Variants in VCL observed in about 807,000 individuals in gnomAD.
VCL encodes epididymis luminal protein 114.
Under a neutral mutation model 125.7 loss-of-function variants are expected in VCL, and 47 were observed. The ratio of observed to expected loss-of-function variants is 0.37; its 90% CI spans 0.30 to 0.48. VCL has a LOEUF of 0.48. Among genes scored for constraint, VCL ranks in the 20% least tolerant of loss-of-function variants. The pLI, the probability that VCL is intolerant of heterozygous loss-of-function variation, is 0.99. For missense variants in VCL, 1,069 were observed against 1,455.5 expected (o/e 0.73, Z 4.32); for synonymous variants, 458 against 514.6 (o/e 0.89, Z 1.49).
intron 21 of VCL, among the ~76,000 whole-genome samples, chr10:74,117,539 C>T (rs1335481814): frequency 6.6e-6 from 1 of 152,146 alleles, no homozygotes; most frequent in Non-Finnish European, 1.5e-5. Flanking sequence ...CCTATTGTCC[C>T]AGCTGCTCAA....
chr10:74,101,177 T>C lies in VCL; in HGVS notation c.2022+80T>C, dbSNP rs1840048427. ...ACAGTTTCTATACATTTTTGAATAC[T>C]TACCGTAAGATGGCATAAAAAAACA... On this transcript the variant is annotated intron_variant, in intron 14 of 21. Coordinates refer to ENST00000211998, the MANE Select transcript of VCL (RefSeq NM_014000.3). 3 of 1,544,796 alleles carry C rather than the reference T, an allele frequency of 1.9e-6. No individual in the cohort carries two copies. The East Asian group carries it at 7.2e-5, about 37-fold the overall frequency.
At chr10:74,002,985 GAT>G (rs146426921) in intron 1 of VCL, among the ~76,000 whole-genome samples, 4 of 149,980 alleles carry the variant, frequency 2.7e-5, no homozygotes. Flanking sequence ...TCTGGTCACT[GAT>G]ATATATATAT....
At chr10:73,999,683 C>T (rs1840190901) in intron 1 of VCL, among the ~76,000 whole-genome samples, 1 of 152,136 alleles carries the variant, frequency 6.6e-6, no homozygotes. Flanking sequence ...CCTCAGTCTT[C>T]AGGGGTCCCT....
chr10:73,999,678 G>A (rs1840190764), intron 1 of VCL, among the ~76,000 whole-genome samples: 1 of 152,164 alleles, frequency 6.6e-6, no homozygotes, highest in African/African-American at 2.4e-5. Context: ...GTCTTCCTCA[G>A]TCTTCAGGGG....
intron 2 of VCL, among the ~76,000 whole-genome samples, chr10:74,068,458 G>A (rs947986580): frequency 4.6e-5 from 7 of 152,070 alleles, no homozygotes; most frequent in Non-Finnish European, 7.4e-5. Flanking sequence ...CCCAGTAGCT[G>A]GGATTACAGG....
At chr10:74,089,135 G>A in intron 8 of VCL, 61 bp from the exon 9 acceptor site, 1 of 1,609,048 alleles carries the variant, frequency 6.2e-7, no homozygotes. Context: ...GTGCTATTGG[G>A]AATATTTTGT....
In VCL at chr10:74,097,322, A is replaced by G; in HGVS notation, c.1862A>G (p.Asn621Ser). 1 of 1,613,496 alleles carries G rather than the reference A, an allele frequency of 6.2e-7. No individual in the cohort carries two copies. Among genetic ancestry groups the G allele is most frequent in the Non-Finnish European group, 8.5e-7 (1 of 1,179,820 alleles). ...VAATAPPDAP[N>S]REEVFDERAA... ...GCCACGGCGCCTCCTGATGCGCCTA[A>G]CAGGGAAGAGGTGGGTATCTGAGGT... The change falls in exon 13 of 22, where the codon AAC (asparagine) becomes AGC (serine). Residue 621 changes from asparagine to serine, a missense_variant. By Grantham distance (46) the Asn-to-Ser change is conservative. This residue lies in a region of VCL where 760 missense variants were observed against 928.9 expected (regional missense o/e 0.82). Transcript: ENST00000211998. The surrounding 1 kb of genome is among the most constrained non-coding windows in gnomAD (Gnocchi z 4.1).
chr10:74,099,084 C>A (rs923050782), intron 13 of VCL, among the ~76,000 whole-genome samples: 1 of 152,214 alleles, frequency 6.6e-6, no homozygotes, highest in Non-Finnish European at 1.5e-5. Flanking sequence ...GCTATGACTG[C>A]ATAGCTCTAA....
intron 11 of VCL, among the ~76,000 whole-genome samples, chr10:74,094,838 G>A (rs1839940328): frequency 6.6e-6 from 1 of 152,184 alleles, no homozygotes; most frequent in Non-Finnish European, 1.5e-5. Flanking sequence ...GGAGGCTGAG[G>A]TGGGAGGATC....
At chr10:74,068,445 C>T (rs1841609563) in intron 2 of VCL, among the ~76,000 whole-genome samples, 2 of 152,100 alleles carry the variant, frequency 1.3e-5, no homozygotes, top group Non-Finnish European at 2.9e-5. Flanking sequence ...CTGCCTCAGC[C>T]TCCCCAGTAG....
chr10:74,007,458 C>T (rs1265104297), intron 1 of VCL, among the ~76,000 whole-genome samples: 1 of 152,150 alleles, frequency 6.6e-6, no homozygotes, highest in Non-Finnish European at 1.5e-5. Context: ...GTAGGTTCCT[C>T]AGTGGCAGGG....
rs1466583249 is a variant in VCL, at chr10:74,003,435, CT to C, written c.168+5067del. 3.3e-5 allele frequency among the ~76,000 whole-genome samples: 5 copies of C among 152,200 alleles called. No homozygotes were observed. The South Asian group carries it at 8.3e-4, about 25-fold the overall frequency. On this transcript the variant is annotated intron_variant, in intron 1 of 21. Coordinates refer to ENST00000211998, the MANE Select transcript of VCL (RefSeq NM_014000.3). The stretch of plus-strand genomic sequence containing the variant: ...TTTGTAGCATGGTATATAAATTTTT[CT>C]TTTTTTCATTAAAATGGCCCATAGA...
chr10:74,006,982 T>G lies in VCL; in HGVS notation c.168+8607T>G, dbSNP rs569541077. ...TTTTATTTTTATTTATTTATTTATTTTGAGACAGGATCTTGCTCTGCTGCT... is the reference window on the plus strand; with the variant it reads ...TTTTATTTTTATTTATTTATTTATTGTGAGACAGGATCTTGCTCTGCTGCT... On this transcript the variant is annotated intron_variant, in intron 1 of 21. Transcript: ENST00000211998. Among the ~76,000 whole-genome samples the G allele has an allele frequency of 1.2e-4, 18 of 152,304 alleles. No homozygotes were observed. The East Asian group carries it at 3.5e-3, about 29-fold the overall frequency.
rs1231987485 is a variant in VCL at position 74,120,115 on chromosome 10, CTTCT to C, written c.*1949_*1952del. 1 of 151,900 alleles carries C rather than the reference CTTCT, an allele frequency of 6.6e-6. No individual in the cohort carries two copies. Among genetic ancestry groups the C allele is most frequent in the Non-Finnish European group, 1.5e-5 (1 of 67,992 alleles). 9.4% of individuals were successfully genotyped at this position (151,900 alleles called of 1,614,324 possible). On this transcript the variant is annotated 3_prime_UTR_variant, in exon 22 of 22. Coordinates refer to ENST00000211998, the MANE Select transcript of VCL (RefSeq NM_014000.3). ...TGTTATATGCAAATATTTTCTGCCTCTTCTTTTGTTCTGTTTAAAACAATAAAAT... is the reference window on the plus strand; with the variant it reads ...TGTTATATGCAAATATTTTCTGCCTCTTTGTTCTGTTTAAAACAATAAAAT...
intron 1 of VCL, among the ~76,000 whole-genome samples, chr10:74,041,362 T>TA (rs1841091173): frequency 6.6e-6 from 1 of 152,190 alleles, no homozygotes; most frequent in Non-Finnish European, 1.5e-5. Context: ...AGTTTACTCT[T>TA]ATATTTTATA....
At position 74,038,185 on chromosome 10, in the gene VCL, C is replaced by T. The variant is rs185372942; in HGVS notation, c.169-4898C>T. Among the ~76,000 whole-genome samples, 524 of 151,998 alleles carry T rather than the reference C, an allele frequency of 3.4e-3. 2 individuals are homozygous for T. The highest frequency in any genetic ancestry group is 0.027 in the Middle Eastern group (8 of 294). ...CTAATTTTTGTATTTTTAGTAGAGA[C>T]GGGGTTTCGCCATGTTGGCCAGGGT... On this transcript the variant is annotated intron_variant, in intron 1 of 21. Transcript: ENST00000211998.
chr10:74,028,688 C>T (rs1302639218), intron 1 of VCL, among the ~76,000 whole-genome samples: 1 of 151,670 alleles, frequency 6.6e-6, no homozygotes, highest in Non-Finnish European at 1.5e-5. Flanking sequence ...TGAGCTATGG[C>T]GCCTGGCAAG....
intron 1 of VCL, among the ~76,000 whole-genome samples, chr10:74,022,548 G>GA (rs1176535654): frequency 6.8e-6 from 1 of 146,682 alleles, no homozygotes; most frequent in Admixed American, 6.7e-5. Context: ...TCCGTCTCAA[G>GA]AAAAAATAAA....
intron 2 of VCL, among the ~76,000 whole-genome samples, chr10:74,052,529 A>C (rs1324239293): frequency 2.0e-5 from 3 of 151,876 alleles, no homozygotes; most frequent in Non-Finnish European, 4.4e-5. Context: ...GGTGTGCACC[A>C]CTACTCCCAG....
Sources: allele counts gnomAD v4.1 joint callset (sites outside exome capture counted in the v4.1 genomes callset), GRCh38; gene constraint gnomAD v4.1.1; regional missense constraint gnomAD v4.1.1; non-coding constraint Gnocchi (gnomAD v3.1); transcripts MANE v1.5; gene names NCBI Gene and HGNC (gene_info 2026-07-23, HGNC 2026-07-21).